DOCK4: variants seen among roughly 807,000 people sequenced by gnomAD.
DOCK4 encodes dedicator of cytokinesis 4.
Under a neutral mutation model 268.1 loss-of-function variants are expected in DOCK4, and 97 were observed. The observed-to-expected ratio is 0.36, with a 90% CI of 0.31 to 0.43. DOCK4 has a LOEUF of 0.43. Among genes scored for constraint, DOCK4 ranks in the 20% least tolerant of loss-of-function variants. The pLI, the probability that DOCK4 is intolerant of heterozygous loss-of-function variation, is 1.00. For missense variants in DOCK4, 2,145 were observed against 2,455.7 expected, an observed-to-expected ratio of 0.87 and a Z score of 2.67; for synonymous variants, 954 against 887.2, an observed-to-expected ratio of 1.08 and a Z score of -1.34.
chr7:111,841,741 AG>A (rs1803712721), intron 25 of DOCK4, among the ~76,000 whole-genome samples: 1 of 152,150 alleles, frequency 6.6e-6, no homozygotes, highest in African/African-American at 2.4e-5. Flanking sequence ...CTTATAATTT[AG>A]TACACAGGAC....
At chr7:111,923,648 T>C (rs2134601517) in intron 12 of DOCK4, among the ~76,000 whole-genome samples, 1 of 152,336 alleles carries the variant, frequency 6.6e-6, no homozygotes, top group African/African-American at 2.4e-5. Flanking sequence ...TATCTGCACA[T>C]TTTATCCTCT....
intron 1 of DOCK4, among the ~76,000 whole-genome samples, chr7:112,106,064 G>C (rs1388971681): frequency 6.6e-6 from 1 of 152,180 alleles, no homozygotes; most frequent in Non-Finnish European, 1.5e-5. Flanking sequence ...CTGTTTGGCT[G>C]TTCCTTTTGT....
intron 1 of DOCK4, among the ~76,000 whole-genome samples, chr7:112,036,853 G>A (rs1029337690): frequency 2.0e-5 from 3 of 151,912 alleles, no homozygotes; most frequent in Admixed American, 2.0e-4. Context: ...TAAAGAAGGG[G>A]TTTCACTATG....
rs749948823 is a variant in DOCK4 at position 112,135,005 on chromosome 7, GTA to G, written c.37+71095_37+71096del. Reference sequence around the variant, plus strand: ...TTAAAACATATATGTGTGTGTGTGTGTATATATATGTATACACCAAAAAAAAC... The same window carrying G: ...TTAAAACATATATGTGTGTGTGTGTGTATATATGTATACACCAAAAAAAAC... On this transcript the variant is annotated intron_variant, in intron 1 of 52. Coordinates refer to ENST00000428084, the MANE Select transcript of DOCK4 (RefSeq NM_001363540.2). Among the ~76,000 whole-genome samples, 93 of 151,720 alleles carry G rather than the reference GTA, an allele frequency of 6.1e-4. 1 individual carries two copies. Among genetic ancestry groups the G allele is most frequent in the Non-Finnish European group, 8.7e-4 (59 of 67,866 alleles).
intron 30 of DOCK4, among the ~76,000 whole-genome samples, chr7:111,797,245 A>T (rs1444977478): frequency 6.6e-6 from 1 of 152,178 alleles, no homozygotes; most frequent in Non-Finnish European, 1.5e-5. Context: ...TATCAGACAG[A>T]GCCAGGGAAA....
At chr7:111,762,762 C>CTTTCTTTTTTTTTTTTTTTTTTTTTTTTT (rs1797505856) in intron 39 of DOCK4, among the ~76,000 whole-genome samples, 1 of 63,068 alleles carries the variant, frequency 1.6e-5, no homozygotes, top group Admixed American at 2.6e-4. Context: ...GTTTTGTTTT[C>CTTTCTTTTTTTTTTTTTTTTTTTTTTTTT]TTTTTTTTTT....
chr7:111,808,652 G>A, intron 30 of DOCK4, 169 bp downstream of exon 30: 1 of 614,376 alleles, frequency 1.6e-6, no homozygotes, highest in Non-Finnish European at 2.7e-6. Flanking sequence ...TAAAGAATTT[G>A]TTGTAACCTC....
At chr7:111,780,177 C>T (rs1798705490) in intron 35 of DOCK4, among the ~76,000 whole-genome samples, 1 of 152,148 alleles carries the variant, frequency 6.6e-6, no homozygotes, top group Non-Finnish European at 1.5e-5. Flanking sequence ...TACTTTCCGC[C>T]CATTACCTAA....
intron 1 of DOCK4, among the ~76,000 whole-genome samples, chr7:112,152,461 C>T (rs992111081): frequency 6.6e-6 from 1 of 152,246 alleles, no homozygotes; most frequent in Non-Finnish European, 1.5e-5. Context: ...GTCACAGAGT[C>T]CAACAGGCAG....
chr7:112,020,671 T>C lies in DOCK4; in HGVS notation c.38-16540A>G, dbSNP rs530954823. On this transcript the variant is annotated intron_variant, in intron 1 of 52. Transcript: ENST00000428084. ...TTGGCTTTCTATGCCAAAGAGTCAC[T>C]GGTACCCTAAAAGTAAAAAAAAAAA... Among the ~76,000 whole-genome samples the C allele has an allele frequency of 6.5e-4, 85 of 130,230 alleles. 1 individual carries two copies. The South Asian group carries it at 0.021, about 32-fold the overall frequency. 85.4% of individuals were successfully genotyped at this position (130,230 alleles called of 152,430 possible). A position where few individuals can be genotyped will look rare whatever the true frequency, so the allele number is the denominator to read the frequency against.
In DOCK4 at chr7:111,945,507, T is replaced by C. The variant is rs551213722; in HGVS notation, c.783+210A>G. On this transcript the variant is annotated intron_variant, in intron 9 of 52. Transcript: ENST00000428084. Reference sequence around the variant, plus strand: ...CGCAATCACTGTTATACTTTGGTAATAGTATAACAGAAGCAGTAATACACT... The same window carrying C: ...CGCAATCACTGTTATACTTTGGTAACAGTATAACAGAAGCAGTAATACACT... 3.0e-3 allele frequency among the ~76,000 whole-genome samples: 453 copies of C among 152,328 alleles called. 3 individuals are homozygous for C. Among genetic ancestry groups the C allele is most frequent in the Admixed American group, 7.6e-3 (117 of 15,302 alleles).
intron 21 of DOCK4, among the ~76,000 whole-genome samples, chr7:111,869,031 ATTTGTACTCTT>A (rs1343257357): frequency 1.3e-5 from 2 of 152,156 alleles, no homozygotes; most frequent in Non-Finnish European, 2.9e-5. Flanking sequence ...TCCTTTAAGA[ATTTGTACTCTT>A]TTTCAACATG....
At chr7:111,730,585 G>C (rs1488596904) in intron 52 of DOCK4, among the ~76,000 whole-genome samples, 9 of 152,088 alleles carry the variant, frequency 5.9e-5, no homozygotes, top group Non-Finnish European at 1.2e-4. Context: ...TGGCAGGTCA[G>C]CTCAGTCTTC....
intron 7 of DOCK4, among the ~76,000 whole-genome samples, chr7:111,983,844 A>ACG (rs57929541): frequency 0.017 from 2,350 of 138,908 alleles, 20 homozygotes; most frequent in Non-Finnish European, 0.024. Context: ...GTACACACAC[A>ACG]CGCGCGCGCG....
rs146027576 is a variant in DOCK4, at chr7:111,916,688, A to G, written c.1067-784T>C. Among the ~76,000 whole-genome samples the G allele has an allele frequency of 4.6e-5, 7 of 152,302 alleles. No individual in the cohort carries two copies. The East Asian group carries it at 1.3e-3, about 29-fold the overall frequency. On this transcript the variant is annotated intron_variant, in intron 12 of 52. Transcript: ENST00000428084. ...AAGAAGTACAGAAAACTTTAATGTC[A>G]TATCATTGTGAATATGTCTGTATGC...
chr7:111,791,327 A>T (rs2133808695), intron 30 of DOCK4, among the ~76,000 whole-genome samples: 1 of 149,602 alleles, frequency 6.7e-6, no homozygotes, highest in East Asian at 2.0e-4. Flanking sequence ...CTAGAGTATT[A>T]TATCCCTAAT....
At chr7:112,096,775 G>A (rs1435469315) in intron 1 of DOCK4, among the ~76,000 whole-genome samples, 1 of 152,190 alleles carries the variant, frequency 6.6e-6, no homozygotes. Flanking sequence ...GGTTAGTAAA[G>A]GTCCCAGTGA....
intron 12 of DOCK4, among the ~76,000 whole-genome samples, chr7:111,919,555 G>C (rs1195411506): frequency 1.3e-5 from 2 of 152,194 alleles, no homozygotes; most frequent in Non-Finnish European, 2.9e-5. Context: ...TGAAGGTTTA[G>C]AGCAATATAG....
At chr7:112,079,128 C>CAAAA (rs1808357756) in intron 1 of DOCK4, among the ~76,000 whole-genome samples, 1 of 152,028 alleles carries the variant, frequency 6.6e-6, no homozygotes, top group Non-Finnish European at 1.5e-5. Context: ...CTCTGTCTCA[C>CAAAA]ACAAACAAAC....
Sources: allele counts gnomAD v4.1 joint callset (sites outside exome capture counted in the v4.1 genomes callset), GRCh38; gene constraint gnomAD v4.1.1; transcripts MANE v1.5; gene names NCBI Gene and HGNC (gene_info 2026-07-23, HGNC 2026-07-21).